The following ORC6 variants were observed in gnomAD, a reference collection of about 807,000 sequenced individuals.
The protein encoded by ORC6 is origin recognition complex, subunit 6 homolog-like (yeast).
ORC6 carries 31 observed loss-of-function variants against 30.0 expected under a neutral mutation model. The observed-to-expected ratio is 1.03, with a 90% CI of 0.78 to 1.40. The LOEUF (loss-of-function observed/expected upper bound fraction) is 1.40, where lower values mean the gene tolerates loss of function less well. Among genes scored for constraint, ORC6 ranks in the 40% most tolerant of loss-of-function variants. ORC6 has a pLI of 0.00. For synonymous variants in ORC6, 136 were observed against 111.2 expected (o/e 1.22, Z -1.40); for missense variants, 340 against 304.3 (o/e 1.12, Z -0.87).
chr16:46,693,679 C>T (rs963290765), intron 4 of ORC6: 6 of 164,874 alleles, frequency 3.6e-5, no homozygotes, highest in Non-Finnish European at 5.3e-5. Flanking sequence ...CACATGCCTC[C>T]AGTCCTGGCT....
intron 4 of ORC6, among the ~76,000 whole-genome samples, chr16:46,694,681 A>C (rs2143010914): frequency 6.6e-6 from 1 of 151,196 alleles, no homozygotes; most frequent in South Asian, 2.1e-4. Flanking sequence ...AAAACAAAAC[A>C]CTGGCTACAA....
Position 46,692,592 on chromosome 16 carries a change from G to A in ORC6, c.359+47G>A, listed in dbSNP as rs536039154. 51 of 1,535,328 alleles carry A rather than the reference G, an allele frequency of 3.3e-5. No individual in the cohort carries two copies. The Admixed American group carries it at 3.9e-4, about 12-fold the overall frequency. On this transcript the variant is annotated intron_variant, in intron 3 of 6. Coordinates refer to ENST00000219097, the MANE Select transcript of ORC6 (RefSeq NM_014321.4). ...AATTGAAAATGTATACCAATAGGCC[G>A]GGCGTGGTGGCTCACGCCTGTAATC...
intron 4 of ORC6, chr16:46,695,123 G>T (rs1966504616): frequency 9.4e-6 from 2 of 212,366 alleles, no homozygotes; most frequent in African/African-American, 4.8e-5. Flanking sequence ...TGAAGAAAAA[G>T]TTTATTTTGT....
In ORC6 at chr16:46,690,975, C is replaced by G. The variant is rs375570215; in HGVS notation, c.66-16C>G. 2 of 1,613,984 alleles carry G rather than the reference C, an allele frequency of 1.2e-6. No individual in the cohort carries two copies. The highest frequency in any genetic ancestry group is 1.7e-6 in the Non-Finnish European group (2 of 1,179,958). On this transcript the variant is annotated splice_polypyrimidine_tract_variant and intron_variant, in intron 1 of 6. Transcript: ENST00000219097. ...TTCTGAATAAGTTGTAGCGAACACACTGCCCTTTTAACCAGGAAAGCAGAG... is the reference window on the plus strand; with the variant it reads ...TTCTGAATAAGTTGTAGCGAACACAGTGCCCTTTTAACCAGGAAAGCAGAG...
intron 4 of ORC6, 169 bp downstream of exon 4, chr16:46,693,351 A>T: frequency 1.6e-6 from 1 of 627,760 alleles, no homozygotes; most frequent in Non-Finnish European, 2.9e-6. Flanking sequence ...CCCATAATGT[A>T]GCTAACAACT....
chr16:46,696,044 C>G lies in ORC6; in HGVS notation c.590C>G (p.Pro197Arg). 6.2e-7 allele frequency: 1 copy of G among 1,613,450 alleles called. No individual in the cohort carries two copies. Among genetic ancestry groups the G allele is most frequent in the Non-Finnish European group, 8.5e-7 (1 of 1,179,352 alleles). ...GAACCTGGAGATGTAGCTACTCCAC[C>G]ACGGAAGAGAAAGAAGATAGTGGTT... The part of the protein sequence containing the change: ...DREPGDVATP[P>R]RKRKKIVVEA... Residue 197 changes from proline to arginine, a missense_variant, in exon 6 of 7, where the codon CCA becomes CGA. Coordinates refer to ENST00000219097, the MANE Select transcript of ORC6 (RefSeq NM_014321.4).
chr16:46,695,550 ATTGTT>A lies in ORC6; in HGVS notation c.450-7_450-3del. The A allele has an allele frequency of 6.4e-7, 1 of 1,553,828 alleles. No individual in the cohort carries two copies. The highest frequency in any genetic ancestry group is 8.9e-7 in the Non-Finnish European group (1 of 1,125,128). On this transcript the variant is annotated splice_region_variant and splice_polypyrimidine_tract_variant and intron_variant, in intron 4 of 6. Transcript: ENST00000219097. ...GGTCTTGAGAAAAGCAACTTATGAAATTGTTTTGTAGGATTCTAAAGCTGAAAGTG... is the reference window on the plus strand; with the variant it reads ...GGTCTTGAGAAAAGCAACTTATGAAATTGTAGGATTCTAAAGCTGAAAGTG...
intron 1 of ORC6, 161 bp from the exon 2 acceptor site, chr16:46,690,830 C>T (rs1966427470): frequency 1.4e-6 from 1 of 728,710 alleles, no homozygotes; most frequent in Non-Finnish European, 2.5e-6. Context: ...CTGGTTCTGT[C>T]TTCCTCTCAC....
At chr16:46,694,650 A>C (rs1596736113) in intron 4 of ORC6, 7 of 142,246 alleles carry the variant, frequency 4.9e-5, no homozygotes, top group East Asian at 2.1e-4. Context: ...TGACCCCCCC[A>C]CAACACTGTC....
chr16:46,691,743 AT>A (rs1555467289), intron 2 of ORC6, among the ~76,000 whole-genome samples: 1 of 152,094 alleles, frequency 6.6e-6, no homozygotes, highest in Non-Finnish European at 1.5e-5. Context: ...CACGTCAATG[AT>A]TTGTGGCTTT....
chr16:46,690,499 T>C lies in ORC6; in HGVS notation c.66-492T>C, dbSNP rs541753522. ...ACAGTGGTTCTCAAAATGTGGTTCCTGGACCAGCAACAGCCATATCATCTT... is the reference window on the plus strand; with the variant it reads ...ACAGTGGTTCTCAAAATGTGGTTCCCGGACCAGCAACAGCCATATCATCTT... On this transcript the variant is annotated intron_variant, in intron 1 of 6. Coordinates refer to ENST00000219097, the MANE Select transcript of ORC6 (RefSeq NM_014321.4). 4.6e-5 allele frequency among the ~76,000 whole-genome samples: 7 copies of C among 152,352 alleles called. No individual in the cohort carries two copies. In the East Asian group the frequency reaches 1.2e-3, roughly 25 times the overall value.
intron 1 of ORC6, 96 bp downstream of exon 1, chr16:46,689,866 G>A: frequency 6.9e-7 from 1 of 1,445,766 alleles, no homozygotes; most frequent in Non-Finnish European, 9.0e-7. Flanking sequence ...CGGGCGGCGG[G>A]GGAGTGACGG....
Position 46,696,037 on chromosome 16 carries a change from A to G in ORC6, c.583A>G (p.Thr195Ala). 3 of 1,613,084 alleles carry G rather than the reference A, an allele frequency of 1.9e-6. No individual in the cohort carries two copies. The South Asian group carries it at 3.3e-5, about 18-fold the overall frequency. Reference protein sequence around the residue: ...QVDREPGDVATPPRKRKKIVV... With the variant: ...QVDREPGDVAAPPRKRKKIVV... ...TAAAGGAGAACCTGGAGATGTAGCT[A>G]CTCCACCACGGAAGAGAAAGAAGAT... Residue 195 changes from threonine (T) to alanine (A), a missense_variant, in exon 6 of 7, where the codon ACT (threonine) becomes GCT (alanine). Coordinates refer to ENST00000219097, the MANE Select transcript of ORC6 (RefSeq NM_014321.4).
chr16:46,692,873 G>C lies in ORC6; in HGVS notation c.360-220G>C, dbSNP rs565269393. On this transcript the variant is annotated intron_variant, in intron 3 of 6. Coordinates refer to ENST00000219097, the MANE Select transcript of ORC6 (RefSeq NM_014321.4). Reference sequence around the variant, plus strand: ...ACAGAGCAAGACTCCGTCTTGGGGCGGGGCGGCGGTGGCGGTGGGGGGGAC... The same window carrying C: ...ACAGAGCAAGACTCCGTCTTGGGGCCGGGCGGCGGTGGCGGTGGGGGGGAC... Among the ~76,000 whole-genome samples the C allele has an allele frequency of 1.1e-4, 11 of 98,482 alleles. No individual in the cohort carries two copies. In the South Asian group the frequency reaches 3.9e-3, roughly 35 times the overall value. 64.6% of individuals were successfully genotyped at this position (98,482 alleles called of 152,430 possible).
Position 46,689,665 on chromosome 16 carries a change from C to G in ORC6, c.-41C>G. 1 of 1,577,682 alleles carries G rather than the reference C, an allele frequency of 6.3e-7. No individual in the cohort carries two copies. The highest frequency in any genetic ancestry group is 8.6e-7 in the Non-Finnish European group (1 of 1,161,188). ...GCCTTTGCGCGCGGGTTTCGTTGAC[C>G]CGCGGCGTTCACGGGAATTGTTCGC... On this transcript the variant is annotated 5_prime_UTR_variant, in exon 1 of 7. Coordinates refer to ENST00000219097, the MANE Select transcript of ORC6 (RefSeq NM_014321.4).
chr16:46,690,078 T>C lies in ORC6; in HGVS notation c.65+308T>C, dbSNP rs552888768. On this transcript the variant is annotated intron_variant, in intron 1 of 6. Coordinates refer to ENST00000219097, the MANE Select transcript of ORC6 (RefSeq NM_014321.4). ...CCAACGCCTACTGCAGTCGGGTTTATAGCGGGGAACCCGACAACGAGGCGC... is the reference window on the plus strand; with the variant it reads ...CCAACGCCTACTGCAGTCGGGTTTACAGCGGGGAACCCGACAACGAGGCGC... Among the ~76,000 whole-genome samples, 4 of 152,332 alleles carry C rather than the reference T, an allele frequency of 2.6e-5. No individual in the cohort carries two copies. In the East Asian group the frequency reaches 5.8e-4, roughly 22 times the overall value.
At chr16:46,693,263 T>C (rs1249752259) in intron 4 of ORC6, 81 bp downstream of exon 4, 4 of 838,744 alleles carry the variant, frequency 4.8e-6, no homozygotes, top group East Asian at 2.4e-5. Context: ...TCTAACTTAG[T>C]TGATATCAAT....
chr16:46,694,636 G>GA lies in ORC6; in HGVS notation c.450-926_450-925insA, dbSNP rs1157448723. ...CGGCCGGGGCGGCTGGCCGGGCGGG[G>GA]GGCTGACCCCCCCACAACACTGTCT... is the stretch of plus-strand genomic sequence containing the variant. On this transcript the variant is annotated intron_variant, in intron 4 of 6. Coordinates refer to ENST00000219097, the MANE Select transcript of ORC6 (RefSeq NM_014321.4). 1.3e-5 allele frequency: 2 copies of GA among 151,116 alleles called. 1 individual carries two copies. The highest frequency in any genetic ancestry group is 1.3e-4 in the Admixed American group (2 of 15,182). The allele number at this position is 151,116 out of a possible 1,614,324, so 9.4% of individuals were successfully genotyped here. A position where few individuals can be genotyped will look rare whatever the true frequency, so the allele number is the denominator to read the frequency against.
intron 6 of ORC6, 22 bp from the exon 7 acceptor site, chr16:46,697,436 G>A: frequency 6.2e-7 from 1 of 1,603,872 alleles, no homozygotes; most frequent in Non-Finnish European, 8.5e-7. Flanking sequence ...TTTTGAAATT[G>A]CTTTTGATAA....
Sources: allele counts gnomAD v4.1 joint callset (sites outside exome capture counted in the v4.1 genomes callset), GRCh38; gene constraint gnomAD v4.1.1; transcripts MANE v1.5; gene names NCBI Gene and HGNC (gene_info 2026-07-23, HGNC 2026-07-21).